Variants in SLIT2 observed in about 807,000 individuals in gnomAD.
The protein encoded by SLIT2 is slit homolog 2 protein.
In SLIT2, 41 loss-of-function variants were observed where a neutral mutation model predicts 185.7. The ratio of observed to expected loss-of-function variants is 0.22; its 90% CI spans 0.17 to 0.29. SLIT2 has a LOEUF of 0.29. SLIT2 is among the 10% of genes least tolerant of loss of function. SLIT2 has a pLI of 1.00. For missense variants in SLIT2, 1,571 were observed against 1,909.0 expected (o/e 0.82, Z 3.30); for synonymous variants, 693 against 680.2 (o/e 1.02, Z -0.29).
chr4:20,257,735 A>T, intron 2 of SLIT2, 133 bp from the exon 3 acceptor site: 1 of 655,866 alleles, frequency 1.5e-6, no homozygotes, highest in Non-Finnish European at 2.8e-6. Context: ...ATTAAATTTG[A>T]TATTGGATCT....
intron 4 of SLIT2, among the ~76,000 whole-genome samples, chr4:20,344,970 A>G (rs554648930): frequency 3.3e-5 from 5 of 152,342 alleles, no homozygotes; most frequent in Admixed American, 2.6e-4. Context: ...TGTATGTAAT[A>G]GAAGCTCTAT....
intron 4 of SLIT2, among the ~76,000 whole-genome samples, chr4:20,321,599 C>T (rs1719092068): frequency 6.6e-6 from 1 of 152,140 alleles, no homozygotes; most frequent in Admixed American, 6.5e-5. Flanking sequence ...TGAGAGAATC[C>T]AGGAGAAGTA....
At chr4:20,446,615 G>A (rs1332446667) in intron 4 of SLIT2, among the ~76,000 whole-genome samples, 4 of 152,118 alleles carry the variant, frequency 2.6e-5, no homozygotes, top group Non-Finnish European at 5.9e-5. Context: ...TTTCAAAATT[G>A]CAAATTAAGG....
At chr4:20,614,892 A>G (rs1729535207) in intron 34 of SLIT2, 1 of 152,204 alleles carries the variant, frequency 6.6e-6, no homozygotes, top group Admixed American at 6.5e-5. Context: ...TTGAAACTCA[A>G]ATATACGTAT....
intron 30 of SLIT2, among the ~76,000 whole-genome samples, chr4:20,593,337 G>A (rs574274664): frequency 2.6e-5 from 4 of 152,256 alleles, no homozygotes; most frequent in Admixed American, 2.0e-4. Flanking sequence ...AATTTAGTCA[G>A]TATTATATAT....
At chr4:20,294,442 G>T (rs768291054) in intron 4 of SLIT2, among the ~76,000 whole-genome samples, 3 of 152,090 alleles carry the variant, frequency 2.0e-5, no homozygotes, top group East Asian at 1.9e-4. Flanking sequence ...AGCCTCCACT[G>T]TGTATCATGT....
intron 17 of SLIT2, 31 bp downstream of exon 17, chr4:20,532,089 T>C: frequency 7.7e-7 from 1 of 1,302,840 alleles, no homozygotes; most frequent in Non-Finnish European, 1.1e-6. Context: ...TTTTTTTATT[T>C]CTGTAGCATT....
intron 4 of SLIT2, among the ~76,000 whole-genome samples, chr4:20,403,484 A>G (rs1007748347): frequency 6.6e-6 from 1 of 151,960 alleles, no homozygotes; most frequent in Non-Finnish European, 1.5e-5. Flanking sequence ...GGCTCCCTGT[A>G]GAATAACAGC....
At chr4:20,535,673 C>T (rs1722206652) in intron 18 of SLIT2, among the ~76,000 whole-genome samples, 1 of 152,076 alleles carries the variant, frequency 6.6e-6, no homozygotes, top group Non-Finnish European at 1.5e-5. Context: ...GATGAGGCCT[C>T]GCTTCTGGGC....
intron 34 of SLIT2, among the ~76,000 whole-genome samples, chr4:20,614,334 T>A (rs1396074859): frequency 6.6e-6 from 1 of 152,208 alleles, no homozygotes; most frequent in African/African-American, 2.4e-5. Context: ...GACCTAGGCT[T>A]GATACTTGGT....
At chr4:20,518,557 G>GTGTGTGTGTATA (rs1271279922) in intron 11 of SLIT2, among the ~76,000 whole-genome samples, 1 of 17,848 alleles carries the variant, frequency 5.6e-5, no homozygotes, top group African/African-American at 2.2e-4. Flanking sequence ...CAGCCTATAT[G>GTGTGTGTGTATA]TATATATATA....
intron 4 of SLIT2, among the ~76,000 whole-genome samples, chr4:20,297,452 G>A (rs1716591157): frequency 6.6e-6 from 1 of 152,140 alleles, no homozygotes; most frequent in Non-Finnish European, 1.5e-5. Flanking sequence ...GAACTTGGAT[G>A]TTTTGAATGA....
intron 4 of SLIT2, among the ~76,000 whole-genome samples, chr4:20,388,970 GTCAA>G (rs1725188380): frequency 7.1e-6 from 1 of 140,214 alleles, no homozygotes; most frequent in African/African-American, 2.6e-5. Flanking sequence ...AAAAATATAT[GTCAA>G]AATATATATA....
chr4:20,320,190 A>G (rs763086739), intron 4 of SLIT2, among the ~76,000 whole-genome samples: 47 of 152,204 alleles, frequency 3.1e-4, no homozygotes, highest in Admixed American at 5.9e-4. Flanking sequence ...ATATTTATGT[A>G]TGTGTCCTGG....
At chr4:20,298,893 C>G (rs1238584973) in intron 4 of SLIT2, among the ~76,000 whole-genome samples, 1 of 152,104 alleles carries the variant, frequency 6.6e-6, no homozygotes, top group Non-Finnish European at 1.5e-5. Flanking sequence ...GAGGCAATAT[C>G]AGAGAGGTTG....
intron 18 of SLIT2, 58 bp downstream of exon 18, chr4:20,533,773 A>T (rs1464910228): frequency 1.3e-5 from 19 of 1,507,380 alleles, no homozygotes; most frequent in Non-Finnish European, 1.7e-5. Context: ...CTCATTGTTC[A>T]TTATAATCCT....
At chr4:20,539,788 T>C (rs973335224) in intron 19 of SLIT2, among the ~76,000 whole-genome samples, 1 of 152,184 alleles carries the variant, frequency 6.6e-6, no homozygotes, top group African/African-American at 2.4e-5. Flanking sequence ...CAAAAAATTA[T>C]AGTATTGTTC....
At chr4:20,541,847 C>G (rs1430703330) in intron 20 of SLIT2, among the ~76,000 whole-genome samples, 1 of 135,138 alleles carries the variant, frequency 7.4e-6, no homozygotes, top group Non-Finnish European at 1.7e-5. Context: ...TTTCTAGTTT[C>G]CAACTTGTGG....
chr4:20,285,120 G>A (rs1715142277), intron 4 of SLIT2, among the ~76,000 whole-genome samples: 1 of 152,146 alleles, frequency 6.6e-6, no homozygotes, highest in Non-Finnish European at 1.5e-5. Flanking sequence ...CACATAAAAG[G>A]CCATTATCTT....
Sources: allele counts gnomAD v4.1 joint callset (sites outside exome capture counted in the v4.1 genomes callset), GRCh38; gene constraint gnomAD v4.1.1; transcripts MANE v1.5; gene names NCBI Gene and HGNC (gene_info 2026-07-23, HGNC 2026-07-21).